ZNF254: variants seen among roughly 807,000 people sequenced by gnomAD.
ZNF254 encodes the protein zinc finger protein 254, also known as CTD-2017D11.1.
A neutral mutation model predicts 12.4 loss-of-function variants in ZNF254; 10 were observed. That is an observed-to-expected ratio of 0.80 (90% CI 0.50 to 1.36). The LOEUF (loss-of-function observed/expected upper bound fraction) is 1.36. Among genes scored for constraint, ZNF254 ranks in the 40% most tolerant of loss-of-function variants. ZNF254 has a pLI of 0.00. For missense variants in ZNF254, 996 were observed against 763.9 expected (o/e 1.30, Z -3.58); for synonymous variants, 305 against 253.4 (o/e 1.20, Z -1.93).
intron 1 of ZNF254, among the ~76,000 whole-genome samples, chr19:24,035,135 T>G (rs1969917849): frequency 6.6e-6 from 1 of 152,098 alleles, no homozygotes; most frequent in African/African-American, 2.4e-5. Flanking sequence ...TAGGGAATAT[T>G]TTACCCAGAA....
chr19:24,055,884 G>T (rs1420207536), intron 2 of ZNF254, among the ~76,000 whole-genome samples: 1 of 152,148 alleles, frequency 6.6e-6, no homozygotes, highest in Non-Finnish European at 1.5e-5. Flanking sequence ...TATAGGAAGG[G>T]TTAACCTCCT....
intron 1 of ZNF254, chr19:24,091,864 G>T: frequency 3.1e-6 from 3 of 975,146 alleles, no homozygotes; most frequent in Non-Finnish European, 3.6e-6. Context: ...CCTCCTAGAA[G>T]TGTTCCTATG....
At chr19:24,113,120 C>T (rs990132287) in intron 3 of ZNF254, among the ~76,000 whole-genome samples, 20 of 152,198 alleles carry the variant, frequency 1.3e-4, no homozygotes, top group Non-Finnish European at 2.1e-4. Flanking sequence ...GAACTGATAC[C>T]ATTCCTTCTG....
intron 2 of ZNF254, among the ~76,000 whole-genome samples, chr19:24,057,289 T>A (rs1432577209): frequency 6.6e-6 from 1 of 152,150 alleles, no homozygotes; most frequent in Non-Finnish European, 1.5e-5. Context: ...AGTGCAGAGT[T>A]GAAATTGTGA....
At chr19:24,073,574 C>A (rs1971555348) in intron 2 of ZNF254, among the ~76,000 whole-genome samples, 1 of 152,188 alleles carries the variant, frequency 6.6e-6, no homozygotes, top group South Asian at 2.1e-4. Context: ...CATCTTTCCA[C>A]ATGAATACAG....
chr19:24,047,748 C>T (rs182475644), intron 2 of ZNF254, among the ~76,000 whole-genome samples: 1 of 149,950 alleles, frequency 6.7e-6, no homozygotes, highest in Non-Finnish European at 1.5e-5. Flanking sequence ...AGTGCAATGG[C>T]GTGATCTTGG....
At chr19:24,044,683 C>A (rs1003762179) in intron 1 of ZNF254, among the ~76,000 whole-genome samples, 2 of 151,964 alleles carry the variant, frequency 1.3e-5, no homozygotes, top group East Asian at 3.9e-4. Context: ...AGAATATATT[C>A]GAAATATTAC....
intron 2 of ZNF254, among the ~76,000 whole-genome samples, chr19:24,047,594 TC>T (rs1398346095): frequency 7.3e-6 from 1 of 136,786 alleles, no homozygotes. Context: ...TTTTCATTCT[TC>T]CTTTTTTTTT....
At chr19:24,041,306 G>T (rs1019158789) in intron 1 of ZNF254, among the ~76,000 whole-genome samples, 1 of 152,258 alleles carries the variant, frequency 6.6e-6, no homozygotes, top group African/African-American at 2.4e-5. Flanking sequence ...TTGCAGGGAG[G>T]TGTGGAGGGA....
chr19:24,070,990 A>AT (rs1971459632), intron 2 of ZNF254, among the ~76,000 whole-genome samples: 1 of 152,014 alleles, frequency 6.6e-6, no homozygotes, highest in Admixed American at 6.6e-5. Flanking sequence ...ATTTTGCCAT[A>AT]TTTCTGAACC....
rs560168908 is a variant in ZNF254 at position 24,080,875 on chromosome 19, C to T, written c.-93-25065C>T. ...AGGCTGAGGTGGGTGGTCGGGAGTT[C>T]GAGACCAGCCTGAGCAACAAGGAGA... On this transcript the variant is annotated intron_variant, in intron 2 of 4. Transcript: ENST00000613065. 2.7e-3 allele frequency among the ~76,000 whole-genome samples: 414 copies of T among 151,088 alleles called. 1 individual carries two copies. The highest frequency in any genetic ancestry group is 9.7e-3 in the African/African-American group (401 of 41,142).
At chr19:24,057,294 T>C (rs2145368969) in intron 2 of ZNF254, among the ~76,000 whole-genome samples, 1 of 152,290 alleles carries the variant, frequency 6.6e-6, no homozygotes, top group East Asian at 1.9e-4. Context: ...AGAGTTGAAA[T>C]TGTGACTGTC....
intron 3 of ZNF254, among the ~76,000 whole-genome samples, chr19:24,121,685 T>G (rs1326708692): frequency 6.6e-6 from 1 of 151,860 alleles, no homozygotes; most frequent in Admixed American, 6.6e-5. Context: ...AGCCTCCCAA[T>G]TAGCTGGGAT....
At chr19:24,058,360 C>G (rs1417672403) in intron 2 of ZNF254, among the ~76,000 whole-genome samples, 2 of 152,058 alleles carry the variant, frequency 1.3e-5, no homozygotes, top group East Asian at 3.9e-4. Flanking sequence ...GGACATATCA[C>G]TGGGCCTTGC....
chr19:24,113,282 A>G (rs560598013), intron 3 of ZNF254, among the ~76,000 whole-genome samples: 20 of 152,348 alleles, frequency 1.3e-4, no homozygotes, highest in Admixed American at 9.2e-4. Context: ...AAAATCCTCA[A>G]TAAAATACTG....
intron 2 of ZNF254, among the ~76,000 whole-genome samples, chr19:24,058,228 C>G (rs1248965546): frequency 6.6e-6 from 1 of 152,086 alleles, no homozygotes; most frequent in Non-Finnish European, 1.5e-5. Flanking sequence ...GTGTAGAACC[C>G]AAGTGAGTTT....
chr19:24,057,618 T>C (rs1396867321), intron 2 of ZNF254, among the ~76,000 whole-genome samples: 2 of 152,206 alleles, frequency 1.3e-5, no homozygotes, highest in Non-Finnish European at 2.9e-5. Flanking sequence ...TCTTTTCACA[T>C]GAATACAATC....
At chr19:24,086,531 G>C (rs1278396080), upstream of ZNF254, among the ~76,000 whole-genome samples, 1 of 151,880 alleles carries the variant, frequency 6.6e-6, no homozygotes, top group African/African-American at 2.4e-5. Flanking sequence ...AGGCTGGAGT[G>C]TAATGACGCG....
At chr19:24,096,055 A>C (rs924355282) in intron 1 of ZNF254, among the ~76,000 whole-genome samples, 4 of 132,302 alleles carry the variant, frequency 3.0e-5, no homozygotes, top group African/African-American at 1.1e-4. Flanking sequence ...GTTGTTTTTT[A>C]GTTCTTTTTT....
Sources: gnomAD v4.1 joint callset for allele counts (sites outside exome capture counted in the v4.1 genomes callset) on GRCh38, gnomAD v4.1.1 for gene constraint, MANE v1.5 for transcripts, NCBI Gene and HGNC (gene_info 2026-07-23, HGNC 2026-07-21) for gene names.